The following PCDHA5 variants were observed in gnomAD, a reference collection of about 807,000 sequenced individuals.
PCDHA5 encodes protocadherin alpha 5.
PCDHA5 carries 43 observed loss-of-function variants against 61.6 expected under a neutral mutation model. That is an observed-to-expected ratio of 0.70 (90% CI 0.55 to 0.90). The LOEUF (loss-of-function observed/expected upper bound fraction) is 0.90, where lower values mean the gene tolerates loss of function less well. Ranked by LOEUF, PCDHA5 falls within the 40% of genes least tolerant of loss-of-function variation. The pLI, the probability that PCDHA5 is intolerant of heterozygous loss-of-function variation, is 0.00. For synonymous variants in PCDHA5, 627 were observed against 543.9 expected (o/e 1.15, Z -2.13); for missense variants, 1,298 against 1,222.7 (o/e 1.06, Z -0.92).
chr5:140,876,326 T>C, intron 1 of PCDHA5: 4 of 1,614,046 alleles, frequency 2.5e-6, no homozygotes, highest in Non-Finnish European at 3.4e-6. Context: ...AAAATGATTT[T>C]GCCAGTGAGT....
chr5:140,851,143 A>T, intron 1 of PCDHA5: 1 of 1,310,128 alleles, frequency 7.6e-7, no homozygotes, highest in Non-Finnish European at 9.9e-7. Flanking sequence ...TTAAAGTGAC[A>T]TTGAATTTCT....
intron 1 of PCDHA5, chr5:140,870,784 G>A: frequency 6.2e-7 from 1 of 1,613,574 alleles, no homozygotes; most frequent in South Asian, 1.1e-5. Context: ...GAACGACAAC[G>A]CGCCGGCACT....
intron 1 of PCDHA5, among the ~76,000 whole-genome samples, chr5:140,919,535 ACTTTT>A (rs1310340464): frequency 1.3e-5 from 2 of 151,732 alleles, no homozygotes; most frequent in Non-Finnish European, 2.9e-5. Flanking sequence ...TTTTTCCTAT[ACTTTT>A]CATTTACTGA....
intron 3 of PCDHA5, among the ~76,000 whole-genome samples, chr5:141,002,367 A>T (rs2098076282): frequency 6.6e-6 from 1 of 152,248 alleles, no homozygotes; most frequent in African/African-American, 2.4e-5. Context: ...CTTTCAACTC[A>T]TTCTGGCTTA....
At chr5:140,870,426 C>T in intron 1 of PCDHA5, 2 of 1,614,208 alleles carry the variant, frequency 1.2e-6, no homozygotes, top group South Asian at 2.2e-5. Context: ...CCAGGGTATC[C>T]GTGGAGGTGG....
intron 1 of PCDHA5, chr5:140,825,461 A>T (rs1460892772): frequency 6.7e-6 from 1 of 149,438 alleles, no homozygotes; most frequent in Non-Finnish European, 1.5e-5. Context: ...AGATATTTTG[A>T]TACAGAATTT....
Position 140,931,003 on chromosome 5 carries a change from A to G in PCDHA5, c.2353-47946A>G, listed in dbSNP as rs2087240942. On this transcript the variant is annotated intron_variant, in intron 1 of 3. Coordinates refer to ENST00000529859, the MANE Select transcript of PCDHA5 (RefSeq NM_018908.3). The stretch of plus-strand genomic sequence containing the variant: ...CTTCCTCATGACCTACACTAATAAC[A>G]TAACAGAGGAATTTTCTGATTGTAG... Among the ~76,000 whole-genome samples the G allele has an allele frequency of 2.0e-5, 3 of 152,232 alleles. No homozygotes were observed. The South Asian group carries it at 6.2e-4, about 32-fold the overall frequency.
At chr5:140,876,310 G>C (rs1167952130) in intron 1 of PCDHA5, 2 of 1,613,982 alleles carry the variant, frequency 1.2e-6, no homozygotes, top group Non-Finnish European at 1.7e-6. Context: ...AATTTCCTAT[G>C]GGATCAAAAT....
At chr5:140,899,948 C>A (rs2067639860) in intron 1 of PCDHA5, among the ~76,000 whole-genome samples, 1 of 151,682 alleles carries the variant, frequency 6.6e-6, no homozygotes, top group South Asian at 2.1e-4. Context: ...GCTGGGACCA[C>A]AGGCATGTGC....
intron 1 of PCDHA5, chr5:140,881,374 G>A: frequency 3.0e-6 from 3 of 984,938 alleles, no homozygotes; most frequent in Non-Finnish European, 3.6e-6. Flanking sequence ...ATGAATTGCA[G>A]CCGGCGGCGG....
chr5:140,868,708 A>C, intron 1 of PCDHA5: 1 of 186,682 alleles, frequency 5.4e-6, no homozygotes, highest in Non-Finnish European at 1.1e-5. Context: ...CATAGACACA[A>C]TAATTTAAAT....
chr5:140,981,625 C>T (rs1554243036), intron 2 of PCDHA5, among the ~76,000 whole-genome samples: 2 of 152,096 alleles, frequency 1.3e-5, no homozygotes, highest in Non-Finnish European at 2.9e-5. Context: ...TGAGGGTTTT[C>T]TTGGACATTT....
chr5:140,980,110 A>G (rs2096876892), intron 2 of PCDHA5, among the ~76,000 whole-genome samples: 1 of 152,208 alleles, frequency 6.6e-6, no homozygotes, highest in Admixed American at 6.5e-5. Context: ...GTCACATTGG[A>G]ACCTGGGTCA....
At chr5:140,993,462 T>TCACACACA (rs3836747) in intron 3 of PCDHA5, among the ~76,000 whole-genome samples, 2,160 of 141,010 alleles carry the variant, frequency 0.015, 29 homozygotes, top group Admixed American at 0.024. Flanking sequence ...TCTTTCTTTC[T>TCACACACA]CACACACACA....
chr5:140,976,466 G>C (rs1404890940), intron 1 of PCDHA5, among the ~76,000 whole-genome samples: 1 of 152,104 alleles, frequency 6.6e-6, no homozygotes, highest in African/African-American at 2.4e-5. Flanking sequence ...AAGAAGAATT[G>C]CTTGAATCCG....
chr5:140,924,996 T>G (rs960105846), intron 1 of PCDHA5, among the ~76,000 whole-genome samples: 1 of 151,078 alleles, frequency 6.6e-6, no homozygotes, highest in African/African-American at 2.4e-5. Flanking sequence ...ATCCTAGCAC[T>G]TTAGGAGGCT....
intron 1 of PCDHA5, among the ~76,000 whole-genome samples, chr5:140,838,200 G>A (rs1223762976): frequency 2.7e-5 from 4 of 149,112 alleles, no homozygotes; most frequent in Non-Finnish European, 4.4e-5. Context: ...TGCAAAATCC[G>A]CCTCTCTGGT....
At chr5:140,968,455 G>C in intron 1 of PCDHA5, 2 of 1,614,084 alleles carry the variant, frequency 1.2e-6, no homozygotes, top group Non-Finnish European at 1.7e-6. Context: ...GCAGCACTGT[G>C]ACTGCCAACG....
At chr5:140,868,631 TTCTC>T (rs1180172037) in intron 1 of PCDHA5, 2 of 154,616 alleles carry the variant, frequency 1.3e-5, no homozygotes, top group African/African-American at 4.8e-5. Flanking sequence ...TGAATTCTCT[TTCTC>T]TCTCACTCTG....
Sources: gnomAD v4.1 joint callset for allele counts (sites outside exome capture counted in the v4.1 genomes callset) on GRCh38, gnomAD v4.1.1 for gene constraint, MANE v1.5 for transcripts, NCBI Gene and HGNC (gene_info 2026-07-23, HGNC 2026-07-21) for gene names.